Variants in STK3 observed in about 807,000 individuals in gnomAD.
STK3 encodes serine/threonine-protein kinase 3.
Under a neutral mutation model 58.0 loss-of-function variants are expected in STK3, and 41 were observed. That is an observed-to-expected ratio of 0.71 (90% CI 0.55 to 0.92). STK3 has a LOEUF of 0.92. Among genes scored for constraint, STK3 ranks in the 40% least tolerant of loss-of-function variants. The probability of loss-of-function intolerance (pLI) is 0.00; values close to 1 mark genes in which losing one functional copy is unlikely to be tolerated. For synonymous variants in STK3, 170 were observed against 191.0 expected, an observed-to-expected ratio of 0.89 and a Z score of 0.91; for missense variants, 479 against 602.7, an observed-to-expected ratio of 0.79 and a Z score of 2.15.
At position 98,701,629 on chromosome 8, in the gene STK3, AAT is replaced by A. The variant is rs67212837; in HGVS notation, c.684+4836_684+4837del. On this transcript the variant is annotated intron_variant, in intron 6 of 10. Coordinates refer to ENST00000419617, the MANE Select transcript of STK3 (RefSeq NM_006281.4). ...AGAGCGAGACTTTGTCTCAAAAAAA[AAT>A]ATATATATATATATATCTATACACA... 4.0e-3 allele frequency among the ~76,000 whole-genome samples: 566 copies of A among 142,312 alleles called. 3 individuals are homozygous for A. Among genetic ancestry groups the A allele is most frequent in the Non-Finnish European group, 6.4e-3 (424 of 66,434 alleles). The allele number at this position is 142,312 out of a possible 152,430, so 93.4% of individuals were successfully genotyped here. A position where few individuals can be genotyped will look rare whatever the true frequency, so the allele number is the denominator to read the frequency against.
At chr8:98,382,920 G>A (rs945074500) in intron 1 of STK3, among the ~76,000 whole-genome samples, 5 of 152,146 alleles carry the variant, frequency 3.3e-5, no homozygotes, top group African/African-American at 7.2e-5. Flanking sequence ...CAGGCAGGCC[G>A]CAGCTGGGCC....
At chr8:98,838,441 G>A (rs1230405774) in intron 3 of STK3, among the ~76,000 whole-genome samples, 1 of 152,052 alleles carries the variant, frequency 6.6e-6, no homozygotes, top group East Asian at 1.9e-4. Flanking sequence ...GGAGAGTTAG[G>A]GAAGTAAGAA....
intron 3 of STK3, among the ~76,000 whole-genome samples, chr8:98,752,777 A>G (rs1239015889): frequency 3.3e-5 from 5 of 152,068 alleles, no homozygotes; most frequent in Admixed American, 2.0e-4. Flanking sequence ...AAACAACCCC[A>G]TTAAAAAATG....
At chr8:98,644,081 G>C (rs893901973) in intron 6 of STK3, among the ~76,000 whole-genome samples, 1 of 151,960 alleles carries the variant, frequency 6.6e-6, no homozygotes, top group South Asian at 2.1e-4. Context: ...AACCTAAAGA[G>C]GAATTGTATA....
chr8:98,497,820 T>C (rs1210112900), intron 10 of STK3, among the ~76,000 whole-genome samples: 14 of 152,092 alleles, frequency 9.2e-5, no homozygotes, highest in Admixed American at 8.5e-4. Flanking sequence ...TGTAGAGAAA[T>C]TGGAACCCTC....
At position 98,740,854 on chromosome 8, in the gene STK3, C is replaced by G. The variant is rs189535294; in HGVS notation, c.351+8422G>C. Among the ~76,000 whole-genome samples the G allele has an allele frequency of 4.2e-3, 638 of 152,166 alleles. 6 individuals carry two copies. The highest frequency in any genetic ancestry group is 4.4e-3 in the Non-Finnish European group (300 of 68,012). On this transcript the variant is annotated intron_variant, in intron 4 of 10. Transcript: ENST00000419617. ...TGTGCTGTATTCAGGAAACCCATCTCACAAGCAGAGACACACAAAGGCTCA... is the reference window on the plus strand; with the variant it reads ...TGTGCTGTATTCAGGAAACCCATCTGACAAGCAGAGACACACAAAGGCTCA...
intron 10 of STK3, among the ~76,000 whole-genome samples, chr8:98,518,532 G>A (rs926098052): frequency 6.6e-6 from 1 of 152,092 alleles, no homozygotes; most frequent in African/African-American, 2.4e-5. Context: ...TAGTTTAGCT[G>A]CCCAGTGACT....
chr8:98,883,890 G>A (rs1837888319), intron 1 of STK3: 2 of 581,068 alleles, frequency 3.4e-6, no homozygotes. Context: ...CAGAGGGGCA[G>A]TCACATACAA....
downstream of STK3, among the ~76,000 whole-genome samples, chr8:98,399,023 C>G (rs894501634): frequency 6.6e-6 from 1 of 152,182 alleles, no homozygotes. Flanking sequence ...TGGCTACAGA[C>G]GTTCACTGCA....
At chr8:98,422,714 G>A (rs1460831205) in intron 3 of STK3, among the ~76,000 whole-genome samples, 1 of 152,178 alleles carries the variant, frequency 6.6e-6, no homozygotes, top group Non-Finnish European at 1.5e-5. Flanking sequence ...CTGGGGCAGT[G>A]GGTGGGTGTC....
At chr8:98,412,120 TA>T (rs1818065022) in intron 3 of STK3, among the ~76,000 whole-genome samples, 1 of 152,212 alleles carries the variant, frequency 6.6e-6, no homozygotes, top group Non-Finnish European at 1.5e-5. Context: ...AGCTAGCTTC[TA>T]TTGCTCCCGA....
At chr8:98,705,964 A>T (rs1216285319) in intron 6 of STK3, among the ~76,000 whole-genome samples, 2 of 152,104 alleles carry the variant, frequency 1.3e-5, no homozygotes, top group Non-Finnish European at 2.9e-5. Context: ...GCATTCATTA[A>T]AAAAAATTAG....
chr8:98,642,268 T>C (rs572128789), intron 6 of STK3, among the ~76,000 whole-genome samples: 1 of 152,142 alleles, frequency 6.6e-6, no homozygotes, highest in Admixed American at 6.5e-5. Flanking sequence ...GGGAAATAAA[T>C]GTATTTATTG....
At chr8:98,624,921 A>C (rs1258616980) in intron 6 of STK3, among the ~76,000 whole-genome samples, 2 of 152,188 alleles carry the variant, frequency 1.3e-5, no homozygotes, top group African/African-American at 4.8e-5. Flanking sequence ...AGAGGAGTAA[A>C]GTGAATGCCT....
chr8:98,761,995 G>C (rs1830646242), intron 3 of STK3, among the ~76,000 whole-genome samples: 1 of 152,142 alleles, frequency 6.6e-6, no homozygotes, highest in Admixed American at 6.5e-5. Flanking sequence ...TTCACCATAA[G>C]AGTTATCTCT....
At chr8:98,529,500 C>T (rs1192890121) in intron 9 of STK3, among the ~76,000 whole-genome samples, 1 of 152,156 alleles carries the variant, frequency 6.6e-6, no homozygotes, top group Non-Finnish European at 1.5e-5. Context: ...CATATCAAAA[C>T]AGAGGTTTTA....
chr8:98,370,088 ATTTTTTTT>A (rs5893462), downstream of STK3, among the ~76,000 whole-genome samples: 1 of 127,644 alleles, frequency 7.8e-6, no homozygotes, highest in Non-Finnish European at 1.6e-5. Context: ...TGGGATTTTG[ATTTTTTTT>A]TTTTTTTTTT....
intron 6 of STK3, among the ~76,000 whole-genome samples, chr8:98,620,828 T>G (rs1818234479): frequency 6.6e-6 from 1 of 151,528 alleles, no homozygotes. Flanking sequence ...GTAAAGTTTC[T>G]AAATATATTT....
chr8:98,641,967 A>G (rs569755122), intron 6 of STK3, among the ~76,000 whole-genome samples: 30 of 152,224 alleles, frequency 2.0e-4, no homozygotes, highest in Non-Finnish European at 4.3e-4. Context: ...TCCCCTTAGC[A>G]TCTTCAAGAG....
Sources: allele counts gnomAD v4.1 joint callset (sites outside exome capture counted in the v4.1 genomes callset), GRCh38; gene constraint gnomAD v4.1.1; transcripts MANE v1.5; gene names NCBI Gene and HGNC (gene_info 2026-07-23, HGNC 2026-07-21).